The following GUCY1A1 variants were observed in gnomAD, a reference collection of about 807,000 sequenced individuals.
GUCY1A1 encodes the protein guanylate cyclase 1 soluble subunit alpha 1.
GUCY1A1 carries 48 observed loss-of-function variants against 64.5 expected under a neutral mutation model. That is an observed-to-expected ratio of 0.74 (90% confidence interval 0.59 to 0.95). The LOEUF (loss-of-function observed/expected upper bound fraction) is 0.95. Among genes scored for constraint, GUCY1A1 ranks in the 40% least tolerant of loss-of-function variants. The pLI is 0.00. For missense variants in GUCY1A1, 804 were observed against 825.3 expected, an observed-to-expected ratio of 0.97 and a Z score of 0.32; for synonymous variants, 308 against 303.4, an observed-to-expected ratio of 1.02 and a Z score of -0.16.
At position 155,731,009 on chromosome 4, in the gene GUCY1A1, G is replaced by A. The variant is rs923833076; in HGVS notation, c.*778G>A. 8 of 153,132 alleles carry A rather than the reference G, an allele frequency of 5.2e-5. No homozygotes were observed. The highest frequency in any genetic ancestry group is 1.0e-4 in the Non-Finnish European group (7 of 67,822). 9.5% of individuals were successfully genotyped at this position (153,132 alleles called of 1,614,324 possible). ...ATTAATTCATTTTACTATCATAATA[G>A]CAAAGTATTCAGAATAAAAGAGGTT... On this transcript the variant is annotated 3_prime_UTR_variant, in exon 10 of 10. Coordinates refer to ENST00000506455, the MANE Select transcript of GUCY1A1 (RefSeq NM_001130682.3).
rs1022414908 is a variant in GUCY1A1 at position 155,733,995 on chromosome 4, C to G, written c.*3764C>G. 2.0e-5 allele frequency among the ~76,000 whole-genome samples: 3 copies of G among 151,888 alleles called. No homozygotes were observed. The highest frequency in any genetic ancestry group is 4.4e-5 in the Non-Finnish European group (3 of 67,916). ...TATGTCACTCTCAAGGCTAATTAGTCTTTCAGATCCTTTGGTAGGGAGGAA... is the reference window on the plus strand; with the variant it reads ...TATGTCACTCTCAAGGCTAATTAGTGTTTCAGATCCTTTGGTAGGGAGGAA... On this transcript the variant is annotated 3_prime_UTR_variant, in exon 10 of 10. Transcript: ENST00000506455.
chr4:155,704,752 C>CT (rs1357309171), intron 4 of GUCY1A1, among the ~76,000 whole-genome samples: 1 of 152,000 alleles, frequency 6.6e-6, no homozygotes. Context: ...GGGTCTCACT[C>CT]TGTCATCCAG....
At chr4:155,711,653 T>C (rs1047287605) in intron 6 of GUCY1A1, among the ~76,000 whole-genome samples, 1 of 152,210 alleles carries the variant, frequency 6.6e-6, no homozygotes, top group Non-Finnish European at 1.5e-5. Context: ...CAACATTTAA[T>C]AGACATGAAA....
chr4:155,721,040 G>T (rs1370290401), intron 8 of GUCY1A1, among the ~76,000 whole-genome samples: 1 of 152,102 alleles, frequency 6.6e-6, no homozygotes, highest in Non-Finnish European at 1.5e-5. Flanking sequence ...GAGGCAGGAG[G>T]ATCACTTGAG....
chr4:155,668,520 G>A (rs1733670053), intron 2 of GUCY1A1, among the ~76,000 whole-genome samples: 1 of 152,034 alleles, frequency 6.6e-6, no homozygotes, highest in Non-Finnish European at 1.5e-5. Flanking sequence ...GAATTGATTT[G>A]ATTTCATACA....
In GUCY1A1 at chr4:155,722,295, A is replaced by C. The variant is rs1734067439; in HGVS notation, c.1871+103A>C. 5 of 1,486,192 alleles carry C rather than the reference A, an allele frequency of 3.4e-6. No individual in the cohort carries two copies. The East Asian group carries it at 7.2e-5, about 21-fold the overall frequency. The allele number at this position is 1,486,192 out of a possible 1,614,324, so 92.1% of individuals were successfully genotyped here. On this transcript the variant is annotated intron_variant, in intron 9 of 9. Transcript: ENST00000506455. ...ATTCTTCATAACTTTTTTCTTCCTT[A>C]GTCGTAAGGAAAAAAGAAACGTGAT...
intron 8 of GUCY1A1, among the ~76,000 whole-genome samples, chr4:155,718,957 A>G (rs1353022654): frequency 6.6e-6 from 1 of 152,068 alleles, no homozygotes; most frequent in Middle Eastern, 3.2e-3. Context: ...TTAGAGGAGG[A>G]CTATATATTT....
chr4:155,697,356 A>C (rs949231922), intron 3 of GUCY1A1, among the ~76,000 whole-genome samples: 8 of 152,174 alleles, frequency 5.3e-5, no homozygotes, highest in South Asian at 4.1e-4. Flanking sequence ...GCAGTCTGAC[A>C]AACTTTATGA....
At chr4:155,702,925 C>T (rs866996575) in intron 3 of GUCY1A1, among the ~76,000 whole-genome samples, 3 of 151,228 alleles carry the variant, frequency 2.0e-5, no homozygotes, top group South Asian at 2.1e-4. Context: ...TTTTCACTTT[C>T]CTCTGGGGAA....
chr4:155,716,382 T>A (rs1283876654), intron 7 of GUCY1A1, among the ~76,000 whole-genome samples: 2 of 152,122 alleles, frequency 1.3e-5, no homozygotes, highest in Admixed American at 1.3e-4. Context: ...GCTCTTAGAA[T>A]TAGGGGGTTA....
intron 6 of GUCY1A1, among the ~76,000 whole-genome samples, chr4:155,712,605 C>G (rs1037141273): frequency 1.2e-4 from 18 of 151,966 alleles, no homozygotes; most frequent in African/African-American, 4.4e-4. Context: ...ACTTCCATAC[C>G]TGCCAGATGG....
chr4:155,676,300 G>T (rs996425196), intron 2 of GUCY1A1, among the ~76,000 whole-genome samples: 6 of 140,924 alleles, frequency 4.3e-5, no homozygotes, highest in African/African-American at 8.3e-5. Context: ...AGAAGAGCTG[G>T]TTTTTTTTTT....
chr4:155,732,310 C>A lies in GUCY1A1; in HGVS notation c.*2079C>A. ...ACGATTCCTGCAACTTTTCTATAAA[C>A]GTGGCATTATATCTAAATAAAAAAT... On this transcript the variant is annotated 3_prime_UTR_variant, in exon 10 of 10. Transcript: ENST00000506455. 6.6e-6 allele frequency: 1 copy of A among 151,708 alleles called. No homozygotes were observed. Among genetic ancestry groups the A allele is most frequent in the East Asian group, 1.9e-4 (1 of 5,150 alleles). 9.4% of individuals were successfully genotyped at this position (151,708 alleles called of 1,614,324 possible).
At chr4:155,683,753 A>C (rs1309844874) in intron 2 of GUCY1A1, among the ~76,000 whole-genome samples, 2 of 152,210 alleles carry the variant, frequency 1.3e-5, no homozygotes, top group Admixed American at 1.3e-4. Flanking sequence ...TATAGACGAA[A>C]GGTAATCTTC....
chr4:155,667,790 C>T (rs1406327685), intron 2 of GUCY1A1: 9 of 151,744 alleles, frequency 5.9e-5, no homozygotes, highest in African/African-American at 2.2e-4. Context: ...CAGAGCCCAT[C>T]AGCCGCGTGC....
At position 155,679,303 on chromosome 4, in the gene GUCY1A1, G is replaced by A. The variant is rs139185025; in HGVS notation, c.-113+11884G>A. On this transcript the variant is annotated intron_variant, in intron 2 of 9. Coordinates refer to ENST00000506455, the MANE Select transcript of GUCY1A1 (RefSeq NM_001130682.3). ...TTCGTACTTAGGTTTACGATTTGTC[G>A]TAGTCTGTTTATTTTGCTATAAAAG... Among the ~76,000 whole-genome samples, 935 of 151,958 alleles carry A rather than the reference G, an allele frequency of 6.2e-3. 14 individuals carry two copies. The highest frequency in any genetic ancestry group is 0.021 in the African/African-American group (855 of 41,446).
chr4:155,695,262 C>A (rs1730266182), intron 2 of GUCY1A1, among the ~76,000 whole-genome samples: 1 of 151,720 alleles, frequency 6.6e-6, no homozygotes, highest in South Asian at 2.1e-4. Context: ...GTTCATTGTT[C>A]TAAACTTATT....
At chr4:155,676,187 G>A (rs1215761228) in intron 2 of GUCY1A1, among the ~76,000 whole-genome samples, 2 of 151,288 alleles carry the variant, frequency 1.3e-5, no homozygotes, top group Admixed American at 1.3e-4. Flanking sequence ...GGCTCAGTAT[G>A]TGGGACATAG....
intron 3 of GUCY1A1, 21 bp downstream of exon 3, chr4:155,697,143 TTTTGAAATTGTAATAC>T: frequency 6.3e-7 from 1 of 1,585,016 alleles, no homozygotes; most frequent in Non-Finnish European, 8.6e-7. Flanking sequence ...GCTCTTTAGA[TTTTGAAATTGTAATAC>T]TTTGAAATTG....
Sources: gnomAD v4.1 joint callset for allele counts (sites outside exome capture counted in the v4.1 genomes callset) on GRCh38, gnomAD v4.1.1 for gene constraint, MANE v1.5 for transcripts, NCBI Gene and HGNC (gene_info 2026-07-23, HGNC 2026-07-21) for gene names.